Variants in SNX3 observed in about 807,000 individuals in gnomAD.
The protein encoded by SNX3 is sorting nexin-3.
Under a neutral mutation model 17.7 loss-of-function variants are expected in SNX3, and 5 were observed. The observed-to-expected ratio is 0.28, with a 90% CI of 0.15 to 0.59. The LOEUF is 0.59. SNX3 is among the 20% of genes least tolerant of loss of function. SNX3 has a pLI of 0.88. For missense variants in SNX3, 132 were observed against 206.8 expected (o/e 0.64, Z 2.22); for synonymous variants, 91 against 76.5 (o/e 1.19, Z -0.99).
At chr6:108,256,186 G>A (rs891572494) in intron 1 of SNX3, among the ~76,000 whole-genome samples, 23 of 152,152 alleles carry the variant, frequency 1.5e-4, no homozygotes, top group Non-Finnish European at 1.0e-4. Context: ...AGCTGTGACT[G>A]CACCACTGCA....
At chr6:108,215,507 C>T (rs1303593689) in intron 2 of SNX3, among the ~76,000 whole-genome samples, 2 of 152,174 alleles carry the variant, frequency 1.3e-5, no homozygotes, top group Non-Finnish European at 2.9e-5. Context: ...CTCCCAAATG[C>T]CCTATCCTGC....
chr6:108,222,230 C>T (rs1278245179), intron 2 of SNX3: 1 of 1,304,170 alleles, frequency 7.7e-7, no homozygotes, highest in Admixed American at 2.3e-5. Context: ...ACCTTTTTAC[C>T]TACTTTCTAG....
At chr6:108,236,350 AAC>A (rs1207561776) in intron 1 of SNX3, among the ~76,000 whole-genome samples, 2 of 149,102 alleles carry the variant, frequency 1.3e-5, no homozygotes, top group African/African-American at 4.9e-5. Context: ...ATATATATAA[AAC>A]AGTTTCCACC....
chr6:108,224,883 T>C (rs1197946553), intron 1 of SNX3, among the ~76,000 whole-genome samples: 1 of 152,214 alleles, frequency 6.6e-6, no homozygotes, highest in African/African-American at 2.4e-5. Context: ...TGGAGACTGT[T>C]CTTTTTAAGA....
rs575484635 is a variant in SNX3 at position 108,230,715 on chromosome 6, A to T, written c.163-7670T>A. Among the ~76,000 whole-genome samples, 4 of 152,288 alleles carry T rather than the reference A, an allele frequency of 2.6e-5. No individual in the cohort carries two copies. The South Asian group carries it at 8.3e-4, about 32-fold the overall frequency. ...AAAGACAGAGGCTCAAATAATCTGG[A>T]TAGCTCTCAAGGGTTCTATATTAGA... On this transcript the variant is annotated intron_variant, in intron 1 of 3. Transcript: ENST00000230085.
rs1222925211 is a variant in SNX3 at position 108,215,116 on chromosome 6, G to A, written c.259-494C>T. ...TGTAATCCCAGCACTTTGGGAGGCC[G>A]AGGCGGGCAGATCACAGGGTCAGGA... On this transcript the variant is annotated intron_variant, in intron 2 of 3. Coordinates refer to ENST00000230085, the MANE Select transcript of SNX3 (RefSeq NM_003795.6). Among the ~76,000 whole-genome samples, 8 of 152,124 alleles carry A rather than the reference G, an allele frequency of 5.3e-5. No homozygotes were observed. The East Asian group carries it at 9.7e-4, about 18-fold the overall frequency.
intron 1 of SNX3, among the ~76,000 whole-genome samples, chr6:108,224,478 C>G (rs138172838): frequency 0.031 from 4,735 of 152,128 alleles, 119 homozygotes; most frequent in Non-Finnish European, 0.049. Flanking sequence ...GAGGGGGTTT[C>G]ACCGTGTTAG....
At chr6:108,253,154 A>G (rs1775916820) in intron 1 of SNX3, among the ~76,000 whole-genome samples, 1 of 152,208 alleles carries the variant, frequency 6.6e-6, no homozygotes, top group Admixed American at 6.5e-5. Context: ...GAAAATGTCT[A>G]TTGCATGTGA....
intron 1 of SNX3, among the ~76,000 whole-genome samples, chr6:108,258,564 G>C (rs575073944): frequency 2.6e-5 from 4 of 151,874 alleles, no homozygotes; most frequent in Admixed American, 2.6e-4. Context: ...GGCTTGAGTA[G>C]AGTGGCCTCA....
intron 1 of SNX3, among the ~76,000 whole-genome samples, chr6:108,254,991 T>C (rs1037585476): frequency 2.0e-5 from 3 of 152,222 alleles, no homozygotes; most frequent in East Asian, 1.9e-4. Flanking sequence ...TACAGGAATA[T>C]TATCTACTCT....
At position 108,216,591 on chromosome 6, in the gene SNX3, C is replaced by T. The variant is rs546174430; in HGVS notation, c.259-1969G>A. Among the ~76,000 whole-genome samples, 14 of 152,246 alleles carry T rather than the reference C, an allele frequency of 9.2e-5. No individual in the cohort carries two copies. The South Asian group carries it at 2.7e-3, about 29-fold the overall frequency. ...AAACGCAAACAGAGAAATGTGTAAG[C>T]AAACAATCAGAACAAGGAGAAATAT... On this transcript the variant is annotated intron_variant, in intron 2 of 3. Transcript: ENST00000230085.
At chr6:108,232,337 T>C (rs184142692) in intron 1 of SNX3, among the ~76,000 whole-genome samples, 4 of 152,238 alleles carry the variant, frequency 2.6e-5, no homozygotes, top group Admixed American at 1.3e-4. Flanking sequence ...GGATATTACA[T>C]ACTAAGGAAA....
At chr6:108,246,120 G>A (rs1302872976) in intron 1 of SNX3, among the ~76,000 whole-genome samples, 1 of 151,988 alleles carries the variant, frequency 6.6e-6, no homozygotes, top group Non-Finnish European at 1.5e-5. Context: ...TTTGCATAAG[G>A]TGTTAAGGAA....
intron 2 of SNX3, among the ~76,000 whole-genome samples, chr6:108,220,123 T>C (rs1348375217): frequency 6.6e-6 from 1 of 152,176 alleles, no homozygotes; most frequent in Non-Finnish European, 1.5e-5. Context: ...AGTCAAAAAG[T>C]TAAAGTAAAA....
chr6:108,249,292 C>T (rs892328473), intron 1 of SNX3, among the ~76,000 whole-genome samples: 2 of 152,078 alleles, frequency 1.3e-5, no homozygotes, highest in African/African-American at 2.4e-5. Flanking sequence ...CATGGTGGCA[C>T]GTGCCTGTAA....
intron 1 of SNX3, among the ~76,000 whole-genome samples, chr6:108,233,241 AC>A (rs1255773948): frequency 6.6e-6 from 1 of 152,264 alleles, no homozygotes; most frequent in Non-Finnish European, 1.5e-5. Context: ...CTCTAATGAA[AC>A]TGTGCATTAA....
chr6:108,232,632 G>A (rs181431681), intron 1 of SNX3, among the ~76,000 whole-genome samples: 3 of 152,260 alleles, frequency 2.0e-5, no homozygotes, highest in East Asian at 1.9e-4. Flanking sequence ...ATAGTGTCAC[G>A]TGTACATTTG....
At chr6:108,243,452 G>T (rs1775583224) in intron 1 of SNX3, among the ~76,000 whole-genome samples, 1 of 152,180 alleles carries the variant, frequency 6.6e-6, no homozygotes, top group Non-Finnish European at 1.5e-5. Context: ...AAATGCTAAA[G>T]AAATCCTTCT....
chr6:108,212,290 T>C, intron 3 of SNX3, 36 bp from the exon 4 acceptor site: 1 of 1,419,008 alleles, frequency 7.0e-7, no homozygotes, highest in South Asian at 1.2e-5. Flanking sequence ...TCCAATATTT[T>C]ATACAAGGTG....
Sources: allele counts gnomAD v4.1 joint callset (sites outside exome capture counted in the v4.1 genomes callset), GRCh38; gene constraint gnomAD v4.1.1; transcripts MANE v1.5; gene names NCBI Gene and HGNC (gene_info 2026-07-23, HGNC 2026-07-21).